TBC1D14: variants seen among roughly 807,000 people sequenced by gnomAD.
The protein encoded by TBC1D14 is TBC1 domain family, member 14.
TBC1D14 carries 26 observed loss-of-function variants against 79.0 expected under a neutral mutation model. The ratio of observed to expected loss-of-function variants is 0.33; its 90% CI spans 0.24 to 0.46. The LOEUF is 0.46. Among genes scored for constraint, TBC1D14 ranks in the 20% least tolerant of loss-of-function variants. TBC1D14 has a pLI of 1.00. For missense variants in TBC1D14, 769 were observed against 887.6 expected, an observed-to-expected ratio of 0.87 and a Z score of 1.70; for synonymous variants, 394 against 349.9, an observed-to-expected ratio of 1.13 and a Z score of -1.40.
intron 3 of TBC1D14, among the ~76,000 whole-genome samples, chr4:6,980,582 T>C (rs994151153): frequency 6.6e-6 from 1 of 152,170 alleles, no homozygotes; most frequent in Non-Finnish European, 1.5e-5. Flanking sequence ...AAGCTGGGGC[T>C]TTGAAATGAT....
Position 6,999,138 on chromosome 4 carries a change from G to A in TBC1D14, c.1099G>A (p.Glu367Lys). ...GCAGCTGGAAGAAAGATGCAGAGTCGAGGAAAGCATTGGAAACGCTGTGCT... is the reference window on the plus strand; with the variant it reads ...GCAGCTGGAAGAAAGATGCAGAGTCAAGGAAAGCATTGGAAACGCTGTGCT... ...KKQLEERCRV[E>K]ESIGNAVLTW... The change falls in exon 6 of 14, where the codon GAG becomes AAG. Residue 367 changes from glutamate to lysine, a missense_variant. Physicochemically the swap from Glu to Lys is moderately conservative, Grantham distance 56. Coordinates refer to ENST00000409757, the MANE Select transcript of TBC1D14 (RefSeq NM_020773.3). 1 of 1,614,188 alleles carries A rather than the reference G, an allele frequency of 6.2e-7. No homozygotes were observed.
At chr4:6,943,110 G>C (rs561539308) in intron 2 of TBC1D14, among the ~76,000 whole-genome samples, 202 of 152,252 alleles carry the variant, frequency 1.3e-3, no homozygotes, top group African/African-American at 4.4e-3. Flanking sequence ...TGGGTTGTTC[G>C]GTATTACACC....
intron 3 of TBC1D14, among the ~76,000 whole-genome samples, chr4:6,968,156 T>C (rs4361386): frequency 0.99 from 151,379 of 152,278 alleles, 75,246 homozygotes; most frequent in Middle Eastern, 1. Context: ...CTCCTCCAGC[T>C]TCAGTTTTAT....
chr4:7,007,599 C>T (rs988804607), intron 9 of TBC1D14: 31 of 1,289,258 alleles, frequency 2.4e-5, no homozygotes, highest in Non-Finnish European at 3.1e-5. Flanking sequence ...ATCTACAAAG[C>T]TCCAGCAGCT....
At chr4:6,941,582 T>C (rs1054747917) in intron 2 of TBC1D14, among the ~76,000 whole-genome samples, 2 of 152,138 alleles carry the variant, frequency 1.3e-5, no homozygotes, top group African/African-American at 4.8e-5. Flanking sequence ...GGAGTGTCAG[T>C]AACATTCAGG....
intron 12 of TBC1D14, among the ~76,000 whole-genome samples, chr4:7,024,334 G>A (rs1467537522): frequency 6.6e-6 from 1 of 152,206 alleles, no homozygotes; most frequent in East Asian, 1.9e-4. Flanking sequence ...CTCCGTAAGA[G>A]AGGTCCTCCA....
chr4:7,032,594 T>C lies in TBC1D14; in HGVS notation c.*2202T>C, dbSNP rs992601726. On this transcript the variant is annotated 3_prime_UTR_variant, in exon 14 of 14. Coordinates refer to ENST00000409757, the MANE Select transcript of TBC1D14 (RefSeq NM_020773.3). ...GTGGCTTGTATGACCTGTTCAGGGGTCACATGAGGTCTCGCCAGTTTCCTG... is the reference window on the plus strand; with the variant it reads ...GTGGCTTGTATGACCTGTTCAGGGGCCACATGAGGTCTCGCCAGTTTCCTG... 1 of 152,126 alleles carries C rather than the reference T, an allele frequency of 6.6e-6. No individual in the cohort carries two copies. Among genetic ancestry groups the C allele is most frequent in the African/African-American group, 2.4e-5 (1 of 41,416 alleles). 9.4% of individuals were successfully genotyped at this position (152,126 alleles called of 1,614,324 possible). A position where few individuals can be genotyped will look rare whatever the true frequency, so the allele number is the denominator to read the frequency against.
rs1257756231 is a variant in TBC1D14 at position 6,994,397 on chromosome 4, A to T, written c.962+95A>T. 65 of 1,092,702 alleles carry T rather than the reference A, an allele frequency of 5.9e-5. No individual in the cohort carries two copies. The Middle Eastern group carries it at 6.1e-4, about 10-fold the overall frequency. 67.7% of individuals were successfully genotyped at this position (1,092,702 alleles called of 1,614,324 possible). A position where few individuals can be genotyped will look rare whatever the true frequency, so the allele number is the denominator to read the frequency against. ...CATTAGAGAAAAACTAGGGTCAGAA[A>T]AGGGGAGAAGAGTAAGCCAGAATCA... On this transcript the variant is annotated intron_variant, in intron 4 of 13. Coordinates refer to ENST00000409757, the MANE Select transcript of TBC1D14 (RefSeq NM_020773.3).
intron 1 of TBC1D14, among the ~76,000 whole-genome samples, chr4:6,919,087 A>G (rs1723624820): frequency 6.6e-6 from 1 of 151,450 alleles, no homozygotes. Context: ...TCAGATCTTG[A>G]CCTGAGTTTT....
intron 13 of TBC1D14, among the ~76,000 whole-genome samples, chr4:7,025,613 CAGAA>C (rs1722286685): frequency 1.3e-5 from 2 of 152,234 alleles, no homozygotes; most frequent in African/African-American, 4.8e-5. Context: ...ATGCCAGAGA[CAGAA>C]AGCAAAGTGG....
intron 4 of TBC1D14, among the ~76,000 whole-genome samples, chr4:6,994,842 C>T (rs901647389): frequency 5.9e-5 from 8 of 135,998 alleles, no homozygotes; most frequent in African/African-American, 2.2e-4. Context: ...CCAGCCTGGG[C>T]AACAAGAGCA....
rs1577126368 is a variant in TBC1D14, at chr4:6,987,560, C to A, written c.844-6624C>A. Reference sequence around the variant, plus strand: ...GTGCATGCTGCTGATGCGCTCTCCTCCCTGGTACTCTTTGTGTCTGTGTTT... The same window carrying A: ...GTGCATGCTGCTGATGCGCTCTCCTACCTGGTACTCTTTGTGTCTGTGTTT... On this transcript the variant is annotated intron_variant, in intron 3 of 13. Coordinates refer to ENST00000409757, the MANE Select transcript of TBC1D14 (RefSeq NM_020773.3). 2.9e-5 allele frequency: 12 copies of A among 411,362 alleles called. No individual in the cohort carries two copies. In the East Asian group the frequency reaches 3.9e-4, roughly 14 times the overall value. The allele number at this position is 411,362 out of a possible 1,614,324, so 25.5% of individuals were successfully genotyped here. A position where few individuals can be genotyped will look rare whatever the true frequency, so the allele number is the denominator to read the frequency against.
In TBC1D14 at chr4:7,006,607, AATT is replaced by A. The variant is rs1303128738; in HGVS notation, c.1352-21_1352-19del. 3 of 1,603,224 alleles carry A rather than the reference AATT, an allele frequency of 1.9e-6. No homozygotes were observed. The South Asian group carries it at 3.3e-5, about 18-fold the overall frequency. Reference sequence around the variant, plus strand: ...CTACATTCGTGCCCTTGAGGAATGTAATTATTTTTGGCATCTTTTGACAGATGC... The same window carrying A: ...CTACATTCGTGCCCTTGAGGAATGTAATTTTTGGCATCTTTTGACAGATGC... On this transcript the variant is annotated intron_variant, in intron 8 of 13. Coordinates refer to ENST00000409757, the MANE Select transcript of TBC1D14 (RefSeq NM_020773.3).
At chr4:6,939,721 G>A (rs1180538323) in intron 2 of TBC1D14, among the ~76,000 whole-genome samples, 2 of 150,358 alleles carry the variant, frequency 1.3e-5, no homozygotes, top group Non-Finnish European at 3.0e-5. Flanking sequence ...TGAGTCCTGT[G>A]GCAGAGTTCC....
intron 2 of TBC1D14, among the ~76,000 whole-genome samples, chr4:6,953,806 A>G (rs1190444475): frequency 2.6e-5 from 4 of 152,224 alleles, no homozygotes; most frequent in African/African-American, 9.6e-5. Flanking sequence ...TTGTGACTCA[A>G]CGGCAGACCT....
intron 2 of TBC1D14, among the ~76,000 whole-genome samples, chr4:6,961,816 G>C (rs887208780): frequency 2.0e-5 from 3 of 152,200 alleles, no homozygotes; most frequent in African/African-American, 7.2e-5. Flanking sequence ...GCATCTGTCT[G>C]CAGGGTGTAT....
intron 2 of TBC1D14, among the ~76,000 whole-genome samples, chr4:6,951,933 C>T (rs1462735770): frequency 1.3e-5 from 2 of 152,006 alleles, no homozygotes; most frequent in African/African-American, 4.8e-5. Context: ...CATGGGAACA[C>T]GAGGCTGCAG....
At chr4:6,977,656 CATCCCATCTA>C (rs1330660825) in intron 3 of TBC1D14, among the ~76,000 whole-genome samples, 14 of 147,686 alleles carry the variant, frequency 9.5e-5, no homozygotes, top group Non-Finnish European at 2.0e-4. Context: ...GCCCGGCCGC[CATCCCATCTA>C]GGAAGTGAGG....
At chr4:6,947,705 C>A (rs1713620251) in intron 2 of TBC1D14, among the ~76,000 whole-genome samples, 1 of 151,214 alleles carries the variant, frequency 6.6e-6, no homozygotes, top group Non-Finnish European at 1.5e-5. Flanking sequence ...GAGAGTGGAT[C>A]CCTGTTTACT....
Sources: gnomAD v4.1 joint callset for allele counts (sites outside exome capture counted in the v4.1 genomes callset) on GRCh38, gnomAD v4.1.1 for gene constraint, MANE v1.5 for transcripts, NCBI Gene and HGNC (gene_info 2026-07-23, HGNC 2026-07-21) for gene names.